The following UNC13B variants were observed in gnomAD, a reference collection of about 807,000 sequenced individuals.
UNC13B encodes protein unc-13 homolog B.
Under a neutral mutation model 211.0 loss-of-function variants are expected in UNC13B, and 144 were observed. The ratio of observed to expected loss-of-function variants is 0.68; its 90% CI spans 0.60 to 0.78. The LOEUF is 0.78. UNC13B is among the 30% of genes least tolerant of loss of function. The probability of loss-of-function intolerance (pLI) is 0.00; values close to 1 mark genes in which losing one functional copy is unlikely to be tolerated. For synonymous variants in UNC13B, 709 were observed against 725.8 expected, an observed-to-expected ratio of 0.98 and a Z score of 0.37; for missense variants, 1,777 against 2,002.0, an observed-to-expected ratio of 0.89 and a Z score of 2.14.
intron 11 of UNC13B, among the ~76,000 whole-genome samples, chr9:35,339,580 T>C (rs1831863277): frequency 6.6e-6 from 1 of 152,252 alleles, no homozygotes; most frequent in Non-Finnish European, 1.5e-5. Flanking sequence ...TGTTTCTTGC[T>C]TTTGCTGGAA....
chr9:35,386,445 T>A, intron 24 of UNC13B, 152 bp downstream of exon 24: 1 of 1,082,600 alleles, frequency 9.2e-7, no homozygotes, highest in Non-Finnish European at 1.3e-6. Flanking sequence ...GTGGACCATG[T>A]GAGATATGTG....
intron 11 of UNC13B, among the ~76,000 whole-genome samples, chr9:35,323,219 G>A (rs1454604486): frequency 2.0e-5 from 3 of 151,568 alleles, no homozygotes; most frequent in Admixed American, 2.0e-4. Flanking sequence ...GCTCTATCTC[G>A]GAGATTTTTT....
At chr9:35,337,724 T>C (rs550326010) in intron 11 of UNC13B, among the ~76,000 whole-genome samples, 3 of 152,246 alleles carry the variant, frequency 2.0e-5, no homozygotes, top group Non-Finnish European at 4.4e-5. Flanking sequence ...GTGAAGACAC[T>C]TGAAACTCAT....
At chr9:35,267,749 T>C (rs1939492997) in intron 7 of UNC13B, among the ~76,000 whole-genome samples, 1 of 152,134 alleles carries the variant, frequency 6.6e-6, no homozygotes, top group South Asian at 2.1e-4. Flanking sequence ...AGGTTACTTT[T>C]GGGGACTCCC....
chr9:35,355,857 C>T (rs1832990650), intron 11 of UNC13B, among the ~76,000 whole-genome samples: 1 of 152,194 alleles, frequency 6.6e-6, no homozygotes, highest in Non-Finnish European at 1.5e-5. Context: ...CAAAGCAATA[C>T]TTCTTACAAG....
intron 1 of UNC13B, among the ~76,000 whole-genome samples, chr9:35,187,308 T>A (rs1418538302): frequency 6.6e-6 from 1 of 152,240 alleles, no homozygotes; most frequent in Non-Finnish European, 1.5e-5. Context: ...GCAGGATAAT[T>A]GCCCAGAACT....
Position 35,306,474 on chromosome 9 carries a change from A to C in UNC13B, c.7070A>C (p.His2357Pro), listed in dbSNP as rs970600928. Residue 2357 changes from histidine to proline, a missense_variant, in exon 9 of 40, where the codon CAT (histidine) becomes CCT (proline). By Grantham distance (77) the His-to-Pro change is moderately conservative. Transcript: ENST00000635942. ...CCAGAGAACCTTGGGATAGCTCCCC[A>C]TGAAGAAGAGGCTTTCAACCACAAA... ...TGPENLGIAP[H>P]EEEAFNHKAF... 1 of 398,926 alleles carries C rather than the reference A, an allele frequency of 2.5e-6. No homozygotes were observed. The highest frequency in any genetic ancestry group is 4.4e-6 in the Non-Finnish European group (1 of 226,062). The allele number at this position is 398,926 out of a possible 1,614,324, so 24.7% of individuals were successfully genotyped here.
intron 11 of UNC13B, among the ~76,000 whole-genome samples, chr9:35,317,689 ATTTTTTTT>A (rs543036863): frequency 1.6e-5 from 2 of 125,556 alleles, no homozygotes; most frequent in Non-Finnish European, 3.4e-5. Context: ...TGCCTGGCTA[ATTTTTTTT>A]TTTTTTTTTT....
chr9:35,200,330 G>T (rs2087659859), intron 1 of UNC13B, among the ~76,000 whole-genome samples: 1 of 152,062 alleles, frequency 6.6e-6, no homozygotes. Flanking sequence ...CTCTTTTTTG[G>T]TTCCATATGA....
At chr9:35,286,336 G>T (rs1481865229) in intron 7 of UNC13B, among the ~76,000 whole-genome samples, 1 of 150,190 alleles carries the variant, frequency 6.7e-6, no homozygotes, top group Non-Finnish European at 1.5e-5. Flanking sequence ...AAGTTCAAGT[G>T]ATTCTCCTGC....
chr9:35,256,464 C>T (rs1229981390), intron 6 of UNC13B, among the ~76,000 whole-genome samples: 2 of 152,016 alleles, frequency 1.3e-5, no homozygotes, highest in African/African-American at 4.8e-5. Context: ...TGCTGTTTGC[C>T]ATGGATTTTG....
intron 1 of UNC13B, among the ~76,000 whole-genome samples, chr9:35,198,361 C>T (rs966563936): frequency 7.9e-5 from 12 of 152,096 alleles, no homozygotes; most frequent in African/African-American, 1.9e-4. Flanking sequence ...ATGTAATATG[C>T]GCCTGCTTCT....
chr9:35,348,365 G>A (rs1433130777), intron 11 of UNC13B, among the ~76,000 whole-genome samples: 2 of 152,194 alleles, frequency 1.3e-5, no homozygotes, highest in East Asian at 1.9e-4. Context: ...TCTGAGAGAC[G>A]GCCGGCCTCC....
intron 1 of UNC13B, among the ~76,000 whole-genome samples, chr9:35,167,139 G>A (rs535360181): frequency 2.0e-5 from 3 of 151,818 alleles, no homozygotes; most frequent in East Asian, 1.9e-4. Context: ...GCAGTGGCGC[G>A]ATCTCAGCTC....
At chr9:35,259,160 G>A in intron 7 of UNC13B, 110 bp downstream of exon 7, 1 of 1,124,026 alleles carries the variant, frequency 8.9e-7, no homozygotes, top group Non-Finnish European at 1.3e-6. Flanking sequence ...TGTGTAAGCA[G>A]AAGATATTCC....
In UNC13B at chr9:35,205,586, A is replaced by G. The variant is rs377000691; in HGVS notation, c.23-22429A>G. ...GGTTCCTCCAACTGGGAAACCACGA[A>G]TCTACTTTCTGTCTTTGTAGAATTA... is the stretch of plus-strand genomic sequence containing the variant. On this transcript the variant is annotated intron_variant, in intron 1 of 39. Coordinates refer to ENST00000635942, the MANE Select transcript of UNC13B (RefSeq NM_001371189.2). Among the ~76,000 whole-genome samples, 118 of 152,324 alleles carry G rather than the reference A, an allele frequency of 7.7e-4. 2 individuals are homozygous for G. In the South Asian group the frequency reaches 0.019, roughly 25 times the overall value.
At chr9:35,271,138 CAAAAAA>C (rs34349679) in intron 7 of UNC13B, among the ~76,000 whole-genome samples, 2 of 75,738 alleles carry the variant, frequency 2.6e-5, no homozygotes, top group African/African-American at 1.1e-4. Context: ...GACTCCATTT[CAAAAAA>C]AAAAAAAAAA....
intron 11 of UNC13B, chr9:35,353,959 T>G (rs1587683405): frequency 3.5e-5 from 16 of 455,236 alleles, no homozygotes; most frequent in African/African-American, 1.6e-4. Flanking sequence ...AGTAGAGAGC[T>G]TAAGCTAATC....
chr9:35,399,980 C>T (rs1195238256), intron 36 of UNC13B, among the ~76,000 whole-genome samples: 1 of 152,162 alleles, frequency 6.6e-6, no homozygotes, highest in Non-Finnish European at 1.5e-5. Flanking sequence ...TCATAGGTCT[C>T]AAGTTCTCTA....
Sources: allele counts gnomAD v4.1 joint callset (sites outside exome capture counted in the v4.1 genomes callset), GRCh38; gene constraint gnomAD v4.1.1; transcripts MANE v1.5; gene names NCBI Gene and HGNC (gene_info 2026-07-23, HGNC 2026-07-21).